The following FREM1 variants were observed in gnomAD, a reference collection of about 807,000 sequenced individuals.
The protein encoded by FREM1 is FRAS1 related extracellular matrix 1.
In FREM1, 220 loss-of-function variants were observed where a neutral mutation model predicts 210.1. That is an observed-to-expected ratio of 1.05 (90% CI 0.94 to 1.17). The LOEUF (loss-of-function observed/expected upper bound fraction) is 1.17. Among genes scored for constraint, FREM1 ranks in the 50% most tolerant of loss-of-function variants. The pLI is 0.00. For missense variants in FREM1, 3,454 were observed against 2,675.5 expected (o/e 1.29, Z -6.42); for synonymous variants, 1,189 against 980.2 (o/e 1.21, Z -3.98).
intron 14 of FREM1, among the ~76,000 whole-genome samples, chr9:14,817,782 T>A (rs1820567837): frequency 6.6e-6 from 1 of 152,328 alleles, no homozygotes; most frequent in East Asian, 1.9e-4. Flanking sequence ...GAGGATTCCC[T>A]TCCTATGGTG....
chr9:14,814,074 G>A (rs1481239079), intron 15 of FREM1, among the ~76,000 whole-genome samples: 2 of 152,006 alleles, frequency 1.3e-5, no homozygotes, highest in Non-Finnish European at 2.9e-5. Context: ...TCTCCCCACT[G>A]CCCACGTCTC....
intron 35 of FREM1, among the ~76,000 whole-genome samples, chr9:14,744,405 A>T (rs1430802848): frequency 6.6e-6 from 1 of 152,126 alleles, no homozygotes; most frequent in Non-Finnish European, 1.5e-5. Context: ...TTTTCTAGTC[A>T]TTCCACAATC....
chr9:14,826,411 C>A (rs1370121715), intron 10 of FREM1, among the ~76,000 whole-genome samples: 2 of 152,122 alleles, frequency 1.3e-5, no homozygotes, highest in African/African-American at 4.8e-5. Context: ...TCTTTTACTA[C>A]CTTTTAACAT....
intron 24 of FREM1, among the ~76,000 whole-genome samples, chr9:14,780,443 A>AAAAAAAAAAAAAAAAAAAAAAAAAAAAC (rs1849475935): frequency 6.6e-6 from 1 of 150,942 alleles, no homozygotes; most frequent in African/African-American, 2.4e-5. Context: ...GAAAAAAAAA[A>AAAAAAAAAAAAAAAAAAAAAAAAAAAAC]AAAAAAAGTC....
intron 29 of FREM1, among the ~76,000 whole-genome samples, chr9:14,755,351 C>G (rs1844133541): frequency 6.6e-6 from 1 of 152,196 alleles, no homozygotes; most frequent in African/African-American, 2.4e-5. Context: ...CTTTGCTCAA[C>G]TCTTTATGAG....
In FREM1 at chr9:14,860,617, A is replaced by C. The variant is rs1829735355; in HGVS notation, c.330-1133T>G. On this transcript the variant is annotated intron_variant, in intron 3 of 36. Transcript: ENST00000380880. ...TACATATATACACATATATACACACATATATATACACATATATACACATGT... is the reference window on the plus strand; with the variant it reads ...TACATATATACACATATATACACACCTATATATACACATATATACACATGT... 2.9e-5 allele frequency among the ~76,000 whole-genome samples: 4 copies of C among 139,678 alleles called. No homozygotes were observed. In the Admixed American group the frequency reaches 2.9e-4, roughly 10 times the overall value. The allele number at this position is 139,678 out of a possible 152,430, so 91.6% of individuals were successfully genotyped here.
chr9:14,888,416 T>C (rs895724281), intron 1 of FREM1, among the ~76,000 whole-genome samples: 1 of 152,224 alleles, frequency 6.6e-6, no homozygotes, highest in Non-Finnish European at 1.5e-5. Flanking sequence ...ATTCCTATAG[T>C]ATGCAGGAAA....
At chr9:14,828,129 A>G (rs1043122027) in intron 10 of FREM1, among the ~76,000 whole-genome samples, 2 of 152,174 alleles carry the variant, frequency 1.3e-5, no homozygotes, top group Non-Finnish European at 2.9e-5. Flanking sequence ...CCAATGTGCA[A>G]CGCCATCCAG....
intron 1 of FREM1, among the ~76,000 whole-genome samples, chr9:14,887,251 TA>T (rs1835979383): frequency 2.0e-5 from 3 of 152,182 alleles, no homozygotes; most frequent in Admixed American, 1.3e-4. Context: ...CCATGGCACC[TA>T]CTGACCTTAC....
chr9:14,907,518 A>C (rs533440963), intron 1 of FREM1, among the ~76,000 whole-genome samples: 6 of 152,308 alleles, frequency 3.9e-5, no homozygotes, highest in African/African-American at 1.2e-4. Flanking sequence ...CCAGCTCTCC[A>C]AAGGAGTAGC....
intron 7 of FREM1, 141 bp from the exon 8 acceptor site, chr9:14,846,232 C>G (rs1826585647): frequency 1.6e-6 from 1 of 611,008 alleles, no homozygotes; most frequent in Admixed American, 3.1e-5. Flanking sequence ...AACTGGAAAC[C>G]ATCATCCTCA....
At chr9:14,827,955 C>A (rs935167067) in intron 10 of FREM1, among the ~76,000 whole-genome samples, 1 of 152,212 alleles carries the variant, frequency 6.6e-6, no homozygotes, top group Admixed American at 6.5e-5. Context: ...GTGCAGAGTG[C>A]AAGAGCTGTG....
At chr9:14,794,796 G>A (rs901529169) in intron 21 of FREM1, among the ~76,000 whole-genome samples, 4 of 151,868 alleles carry the variant, frequency 2.6e-5, no homozygotes, top group African/African-American at 4.8e-5. Context: ...TCAGGAGATC[G>A]AGACCATACT....
chr9:14,884,607 T>C (rs986308010), intron 1 of FREM1, among the ~76,000 whole-genome samples: 1 of 152,206 alleles, frequency 6.6e-6, no homozygotes, highest in African/African-American at 2.4e-5. Context: ...TGAGCTAGTA[T>C]TTATTTCATA....
At chr9:14,818,489 T>C (rs1820709544) in intron 14 of FREM1, among the ~76,000 whole-genome samples, 1 of 152,248 alleles carries the variant, frequency 6.6e-6, no homozygotes, top group Admixed American at 6.5e-5. Context: ...TCTAAAGGGC[T>C]AATGCTCCCA....
chr9:14,812,848 C>T lies in FREM1; in HGVS notation c.2857G>A (p.Asp953Asn), dbSNP rs1819645621. ...GVTVDQFSQR[D>N]VISEAVTYKH... ...TATGTCACGGCCTCTGAGATAACAT[C>T]TCTCTGAGAGAACTGATCCACTGTG... is the stretch of plus-strand genomic sequence containing the variant. Residue 953 changes from aspartate to asparagine, a missense_variant, in exon 16 of 37, where the codon GAT becomes AAT. Coordinates refer to ENST00000380880, the MANE Select transcript of FREM1 (RefSeq NM_001379081.2). The T allele has an allele frequency of 6.2e-7, 1 of 1,613,486 alleles. No individual in the cohort carries two copies. Among genetic ancestry groups the T allele is most frequent in the African/African-American group, 1.3e-5 (1 of 75,026 alleles).
intron 21 of FREM1, among the ~76,000 whole-genome samples, chr9:14,795,338 T>C (rs1304071544): frequency 6.6e-6 from 1 of 152,188 alleles, no homozygotes; most frequent in Non-Finnish European, 1.5e-5. Flanking sequence ...GATCACACTG[T>C]TGGTAAGTGG....
intron 1 of FREM1, among the ~76,000 whole-genome samples, chr9:14,892,819 G>C (rs560604114): frequency 6.6e-6 from 1 of 152,222 alleles, no homozygotes; most frequent in African/African-American, 2.4e-5. Flanking sequence ...TCCCCACTCT[G>C]CCCCAGGCAA....
intron 25 of FREM1, among the ~76,000 whole-genome samples, chr9:14,773,467 G>C (rs1469068111): frequency 6.6e-6 from 1 of 152,196 alleles, no homozygotes; most frequent in East Asian, 1.9e-4. Context: ...AAGACACTGA[G>C]TGTCATCTCT....
Sources: allele counts gnomAD v4.1 joint callset (sites outside exome capture counted in the v4.1 genomes callset), GRCh38; gene constraint gnomAD v4.1.1; transcripts MANE v1.5; gene names NCBI Gene and HGNC (gene_info 2026-07-23, HGNC 2026-07-21).